Variants in FCMR observed in about 807,000 individuals in gnomAD.
FCMR encodes the protein Fc mu receptor.
In FCMR, 34 loss-of-function variants were observed where a neutral mutation model predicts 41.6. That is an observed-to-expected ratio of 0.82 (90% CI 0.62 to 1.09). FCMR has a LOEUF of 1.09. Among genes scored for constraint, FCMR ranks in the 50% least tolerant of loss-of-function variants. The pLI, the probability that FCMR is intolerant of heterozygous loss-of-function variation, is 0.00. For missense variants in FCMR, 496 were observed against 512.5 expected, an observed-to-expected ratio of 0.97 and a Z score of 0.31; for synonymous variants, 209 against 211.8, an observed-to-expected ratio of 0.99 and a Z score of 0.12.
chr1:206,906,218 C>A, intron 7 of FCMR: 1 of 451,418 alleles, frequency 2.2e-6, no homozygotes, highest in Non-Finnish European at 4.4e-6. Context: ...ATAGGAGAAA[C>A]GATACACAAA....
In FCMR at chr1:206,905,270, A is replaced by T. The variant is rs1024300777; in HGVS notation, c.1045-123T>A. On this transcript the variant is annotated intron_variant, in intron 7 of 7. Coordinates refer to ENST00000367091, the MANE Select transcript of FCMR (RefSeq NM_005449.5). ...CTGCTGAGTTCCAGAAGGCAAAGAC[A>T]CAGAGATGGCTCAGCTCCATCAAGT... 7.5e-6 allele frequency: 8 copies of T among 1,072,568 alleles called. No homozygotes were observed. The African/African-American group carries it at 1.2e-4, about 17-fold the overall frequency. 66.4% of individuals were successfully genotyped at this position (1,072,568 alleles called of 1,614,324 possible).
In FCMR at chr1:206,909,165, C is replaced by T. The variant is rs1678807037; in HGVS notation, c.1044+297G>A. Among the ~76,000 whole-genome samples, 1 of 152,194 alleles carries T rather than the reference C, an allele frequency of 6.6e-6. No individual in the cohort carries two copies. Among genetic ancestry groups the T allele is most frequent in the Non-Finnish European group, 1.5e-5 (1 of 68,046 alleles). Reference sequence around the variant, plus strand: ...AGCCTTTCACATAACTGTGGAGCTGCCACCTATCATTCTCTGCTAAGCCAG... The same window carrying T: ...AGCCTTTCACATAACTGTGGAGCTGTCACCTATCATTCTCTGCTAAGCCAG... On this transcript the variant is annotated intron_variant, in intron 7 of 7. Coordinates refer to ENST00000367091, the MANE Select transcript of FCMR (RefSeq NM_005449.5). The surrounding 1 kb of genome is among the most constrained non-coding windows in gnomAD (Gnocchi z 5.0).
At position 206,909,959 on chromosome 1, in the gene FCMR, C is replaced by G; in HGVS notation, c.842-91G>C. On this transcript the variant is annotated intron_variant, in intron 5 of 7. Transcript: ENST00000367091. This position sits in a 1 kb window ranked among gnomAD's most constrained non-coding sequence, Gnocchi z 5.0. Reference sequence around the variant, plus strand: ...ACGAAAGGCTGCCTCCTCCCTCGGGCTTGGCAGTGTCTGACCTGGAGATGC... The same window carrying G: ...ACGAAAGGCTGCCTCCTCCCTCGGGGTTGGCAGTGTCTGACCTGGAGATGC... 7.6e-7 allele frequency: 1 copy of G among 1,324,382 alleles called. No homozygotes were observed. The highest frequency in any genetic ancestry group is 9.8e-7 in the Non-Finnish European group (1 of 1,024,426). 82.0% of individuals were successfully genotyped at this position (1,324,382 alleles called of 1,614,324 possible).
intron 7 of FCMR, among the ~76,000 whole-genome samples, chr1:206,905,671 A>T (rs1421683566): frequency 6.6e-6 from 1 of 152,146 alleles, no homozygotes. Context: ...CTTCAGGATC[A>T]TCCACCTTGA....
intron 1 of FCMR, among the ~76,000 whole-genome samples, chr1:206,918,478 C>T (rs149416466): frequency 6.6e-6 from 1 of 152,256 alleles, no homozygotes; most frequent in Non-Finnish European, 1.5e-5. Flanking sequence ...GACATCTCCA[C>T]GTGGACCCTA....
In FCMR at chr1:206,910,229, C is replaced by T. The variant is rs555558847; in HGVS notation, c.822G>A (p.Arg274=). 6.2e-7 allele frequency: 1 copy of T among 1,603,200 alleles called. No individual in the cohort carries two copies. The highest frequency in any genetic ancestry group is 8.5e-7 in the Non-Finnish European group (1 of 1,175,762). ...GCTCACCTTTCCTCCTTTCAACGGC[C>T]CTTTTCACCACCAGCCCCAGAAGTG... ...LLALLGLVVK[R]AVERRKALSR... is the part of the protein sequence containing the mutation. The change falls in exon 5 of 8, where the codon AGG becomes AGA. Residue 274 remains arginine, a synonymous_variant. Transcript: ENST00000367091.
At chr1:206,915,886 G>A (rs1679171783) in intron 1 of FCMR, among the ~76,000 whole-genome samples, 1 of 152,094 alleles carries the variant, frequency 6.6e-6, no homozygotes, top group African/African-American at 2.4e-5. Flanking sequence ...GTATAGCTTA[G>A]GAAAGAGGTG....
At position 206,909,486 on chromosome 1, in the gene FCMR, C is replaced by G. The variant is rs939736306; in HGVS notation, c.1020G>C (p.Ala340=). 39 of 1,283,692 alleles carry G rather than the reference C, an allele frequency of 3.0e-5. No homozygotes were observed. The highest frequency in any genetic ancestry group is 3.6e-5 in the Non-Finnish European group (37 of 1,017,008). 79.5% of individuals were successfully genotyped at this position (1,283,692 alleles called of 1,614,324 possible). The change falls in exon 7 of 8, where the codon GCG becomes GCC. Residue 340 remains alanine (A), a synonymous_variant. Coordinates refer to ENST00000367091, the MANE Select transcript of FCMR (RefSeq NM_005449.5). The surrounding 1 kb of genome is among the most constrained non-coding windows in gnomAD (Gnocchi z 5.0). ...CCTGCAGCGGGGCGGGGGGCAACGG[C>G]GCTCCGGGGCCGGGAACGGGGGCCT... ...TGEAPVPGPG[A]PLPPAPLQVS...
intron 1 of FCMR, among the ~76,000 whole-genome samples, chr1:206,919,903 C>G (rs1187321613): frequency 6.6e-6 from 1 of 152,210 alleles, no homozygotes; most frequent in Non-Finnish European, 1.5e-5. Flanking sequence ...CACGTAAACT[C>G]CATTCCGTTG....
In FCMR at chr1:206,909,699, T is replaced by G. The variant is rs2306711; in HGVS notation, c.985+26A>C. On this transcript the variant is annotated intron_variant, in intron 6 of 7. Coordinates refer to ENST00000367091, the MANE Select transcript of FCMR (RefSeq NM_005449.5). The surrounding 1 kb of genome is among the most constrained non-coding windows in gnomAD (Gnocchi z 5.0). ...GGAGCCAGCGCACTCTTTCCGCTAC[T>G]CCCCGTGGCCCGCCCGGCGGCTCAC... The G allele has an allele frequency of 0.029, 40,533 of 1,396,946 alleles. 1,340 individuals are homozygous for G. The highest frequency in any genetic ancestry group is 0.13 in the Admixed American group (3,602 of 27,264). The allele number at this position is 1,396,946 out of a possible 1,614,324, so 86.5% of individuals were successfully genotyped here. A position where few individuals can be genotyped will look rare whatever the true frequency, so the allele number is the denominator to read the frequency against.
intron 4 of FCMR, among the ~76,000 whole-genome samples, chr1:206,911,358 A>C (rs1678933568): frequency 6.6e-6 from 1 of 152,062 alleles, no homozygotes; most frequent in African/African-American, 2.4e-5. Flanking sequence ...TCACATATGT[A>C]ATTTTAAATT....
chr1:206,913,759 C>T lies in FCMR; in HGVS notation c.373G>A (p.Glu125Lys), dbSNP rs1305440183. ...TQKVTLNVHS[E>K]YEPSWEEQPM... is the part of the protein sequence containing the mutation. ...GCCTCCAATCAGCGGAGGAACCTAC[C>T]ACTGTGGACATTCAGGGTGACTTTC... The change falls in exon 2 of 8, where the codon GAA becomes AAA. Residue 125 changes from glutamate (E) to lysine (K), a missense_variant and splice_region_variant. Transcript: ENST00000367091. The T allele has an allele frequency of 1.9e-6, 3 of 1,613,390 alleles. No individual in the cohort carries two copies. Among genetic ancestry groups the T allele is most frequent in the Non-Finnish European group, 1.7e-6 (2 of 1,179,364 alleles).
chr1:206,918,816 C>A (rs1240550441), intron 1 of FCMR, among the ~76,000 whole-genome samples: 1 of 152,036 alleles, frequency 6.6e-6, no homozygotes, highest in East Asian at 1.9e-4. Context: ...GAGCTCTACA[C>A]AGGGCTCCAG....
At chr1:206,908,098 AAGG>A in intron 7 of FCMR, 1 of 1,168,320 alleles carries the variant, frequency 8.6e-7, no homozygotes. Context: ...GGAGAAGTGG[AAGG>A]AGAAGGCCAA....
intron 7 of FCMR, chr1:206,906,183 G>A (rs1050159914): frequency 3.9e-6 from 2 of 514,800 alleles, no homozygotes; most frequent in African/African-American, 2.0e-5. Flanking sequence ...ATGTCAACCC[G>A]AAGCAAATTA....
chr1:206,920,471 A>AAAAG (rs1679387732), intron 1 of FCMR, among the ~76,000 whole-genome samples: 1 of 146,934 alleles, frequency 6.8e-6, no homozygotes, highest in African/African-American at 2.5e-5. Flanking sequence ...AAAAAAAAAA[A>AAAAG]GGTGAAGGTG....
intron 5 of FCMR, 81 bp downstream of exon 5, chr1:206,910,129 C>G: frequency 1.4e-6 from 2 of 1,408,034 alleles, no homozygotes; most frequent in Non-Finnish European, 9.4e-7. Flanking sequence ...CCGAGTTTCC[C>G]ATGGAAGTTC....
In FCMR at chr1:206,904,632, G is replaced by A. The variant is rs764801570; in HGVS notation, c.*387C>T. On this transcript the variant is annotated 3_prime_UTR_variant, in exon 8 of 8. Coordinates refer to ENST00000367091, the MANE Select transcript of FCMR (RefSeq NM_005449.5). ...ACCCAACCCTGGGAAGGATGCCCGAGACAATAGCTATGCCTCTGCCCCAGC... is the reference window on the plus strand; with the variant it reads ...ACCCAACCCTGGGAAGGATGCCCGAAACAATAGCTATGCCTCTGCCCCAGC... 1.3e-5 allele frequency: 3 copies of A among 230,524 alleles called. No individual in the cohort carries two copies. The highest frequency in any genetic ancestry group is 1.8e-5 in the Non-Finnish European group (2 of 114,274). 14.3% of individuals were successfully genotyped at this position (230,524 alleles called of 1,614,324 possible).
chr1:206,908,005 A>C, intron 7 of FCMR: 2 of 1,445,200 alleles, frequency 1.4e-6, no homozygotes, highest in Non-Finnish European at 1.9e-6. Context: ...CGTGCGTCTG[A>C]AGCTTACAAG....
Sources: allele counts gnomAD v4.1 joint callset (sites outside exome capture counted in the v4.1 genomes callset), GRCh38; gene constraint gnomAD v4.1.1; non-coding constraint Gnocchi (gnomAD v3.1); transcripts MANE v1.5; gene names NCBI Gene and HGNC (gene_info 2026-07-23, HGNC 2026-07-21).